Variants in NWD1 observed in about 807,000 individuals in gnomAD.
NWD1 encodes NACHT and WD repeat domain containing 1.
Under a neutral mutation model 135.1 loss-of-function variants are expected in NWD1, and 129 were observed. The ratio of observed to expected loss-of-function variants is 0.96; its 90% CI spans 0.83 to 1.11. The LOEUF (loss-of-function observed/expected upper bound fraction) is 1.11, where lower values mean the gene tolerates loss of function less well. NWD1 is among the 50% of genes least tolerant of loss of function. The probability of loss-of-function intolerance (pLI) is 0.00; values close to 1 mark genes in which losing one functional copy is unlikely to be tolerated. For synonymous variants in NWD1, 773 were observed against 786.0 expected (o/e 0.98, Z 0.28); for missense variants, 1,740 against 1,851.3 (o/e 0.94, Z 1.10).
At chr19:16,777,831 G>T (rs1345845709) in intron 11 of NWD1, among the ~76,000 whole-genome samples, 1 of 72,262 alleles carries the variant, frequency 1.4e-5, no homozygotes, top group Non-Finnish European at 2.8e-5. Flanking sequence ...AAGGGAAGAG[G>T]GAGAGAAGGG....
chr19:16,803,070 G>A (rs1271783497), intron 17 of NWD1, among the ~76,000 whole-genome samples: 2 of 152,128 alleles, frequency 1.3e-5, no homozygotes, highest in Admixed American at 6.6e-5. Context: ...CAAATGAGGA[G>A]CAAAGTCACG....
intron 11 of NWD1, among the ~76,000 whole-genome samples, chr19:16,778,922 TTCTC>T (rs1167860414): frequency 2.0e-5 from 3 of 152,164 alleles, no homozygotes; most frequent in Non-Finnish European, 4.4e-5. Context: ...GGCTGAATCT[TTCTC>T]TGGGATGGGG....
At chr19:16,750,989 AG>A (rs2122817252) in intron 6 of NWD1, among the ~76,000 whole-genome samples, 1 of 152,268 alleles carries the variant, frequency 6.6e-6, no homozygotes, top group African/African-American at 2.4e-5. Context: ...TGGGAGGCCG[AG>A]GCGGGCGGAT....
At position 16,730,253 on chromosome 19, in the gene NWD1, C is replaced by A. The variant is rs554243398; in HGVS notation, c.-6-939C>A. ...AGGGGAATTGCTTGAACCCAGGAGG[C>A]AGAGGTTGCAGTGAGCTGAGATCAC... is the stretch of plus-strand genomic sequence containing the variant. On this transcript the variant is annotated intron_variant, in intron 2 of 18. Coordinates refer to ENST00000524140, the MANE Select transcript of NWD1 (RefSeq NM_001007525.5). Among the ~76,000 whole-genome samples the A allele has an allele frequency of 5.6e-3, 857 of 151,928 alleles. 10 individuals are homozygous for A. Among genetic ancestry groups the A allele is most frequent in the African/African-American group, 0.019 (790 of 41,452 alleles).
chr19:16,794,646 G>T (rs1274085936), intron 15 of NWD1, 93 bp downstream of exon 15: 1 of 890,302 alleles, frequency 1.1e-6, no homozygotes, highest in Non-Finnish European at 1.8e-6. Flanking sequence ...GAAGTCCTAG[G>T]GCCAGAGGTT....
chr19:16,767,659 A>G (rs1383927782), intron 10 of NWD1, among the ~76,000 whole-genome samples: 1 of 152,050 alleles, frequency 6.6e-6, no homozygotes, highest in African/African-American at 2.4e-5. Flanking sequence ...ACTCACTGTC[A>G]TGAGAACAGC....
chr19:16,773,355 C>G (rs760809412), intron 11 of NWD1, 32 bp downstream of exon 11: 1 of 1,581,624 alleles, frequency 6.3e-7, no homozygotes, highest in Non-Finnish European at 8.6e-7. Flanking sequence ...AAAATCCCAG[C>G]AGGCACCTGC....
Position 16,749,809 on chromosome 19 carries a change from C to T in NWD1, c.1167C>T (p.Ile389=), listed in dbSNP as rs763587449. The T allele has an allele frequency of 7.5e-6, 12 of 1,606,612 alleles. No homozygotes were observed. The highest frequency in any genetic ancestry group is 1.0e-5 in the Non-Finnish European group (12 of 1,176,050). Residue 389 remains isoleucine (I), a synonymous_variant, in exon 6 of 19, where the codon ATC becomes ATT. Transcript: ENST00000524140. ...ATGCCCGTGGCCTGCTGAAGAGCAT[C>T]TGCTTCCAGGTGTGCCTGGCCTATG... is the stretch of plus-strand genomic sequence containing the variant. ...SSDARGLLKS[I]CFQVCLAYGL...
intron 11 of NWD1, among the ~76,000 whole-genome samples, chr19:16,778,506 T>C (rs9797887): frequency 1.4e-5 from 2 of 140,710 alleles, no homozygotes; most frequent in African/African-American, 5.5e-5. Context: ...TTTTTTTTTT[T>C]TTGTTGTTGT....
At chr19:16,803,059 G>A (rs1252244742) in intron 17 of NWD1, among the ~76,000 whole-genome samples, 5 of 152,094 alleles carry the variant, frequency 3.3e-5, no homozygotes, top group Non-Finnish European at 7.4e-5. Context: ...ATGGCAGAAG[G>A]CAAATGAGGA....
At chr19:16,743,416 C>T (rs117929456) in intron 4 of NWD1, among the ~76,000 whole-genome samples, 1 of 151,534 alleles carries the variant, frequency 6.6e-6, no homozygotes, top group East Asian at 2.0e-4. Flanking sequence ...ACTATGTTGC[C>T]CAGCTAGTCT....
chr19:16,761,041 G>A (rs1470336156), intron 7 of NWD1, among the ~76,000 whole-genome samples: 1 of 151,916 alleles, frequency 6.6e-6, no homozygotes, highest in African/African-American at 2.4e-5. Context: ...CTAACCCCTG[G>A]CAGCCACTCA....
chr19:16,755,921 T>C (rs1209461756), intron 6 of NWD1, among the ~76,000 whole-genome samples: 1 of 152,100 alleles, frequency 6.6e-6, no homozygotes, highest in Non-Finnish European at 1.5e-5. Context: ...TACCTCAAAA[T>C]TGATGTATAA....
chr19:16,761,101 C>T (rs550901212), intron 7 of NWD1, among the ~76,000 whole-genome samples: 13 of 152,276 alleles, frequency 8.5e-5, no homozygotes, highest in African/African-American at 2.2e-4. Flanking sequence ...TTCAGATCAA[C>T]GAAATCTCAC....
intron 5 of NWD1, 150 bp from the exon 6 acceptor site, chr19:16,748,988 CT>C (rs1568348390): frequency 1.5e-6 from 1 of 647,738 alleles, no homozygotes; most frequent in Non-Finnish European, 2.6e-6. Context: ...CCATGTGGGT[CT>C]TTTCGAGACC....
At chr19:16,736,344 C>T (rs1439422605) in intron 3 of NWD1, among the ~76,000 whole-genome samples, 1 of 151,920 alleles carries the variant, frequency 6.6e-6, no homozygotes, top group African/African-American at 2.4e-5. Context: ...ATCCTCCTAC[C>T]TCAGCCTCCC....
At chr19:16,768,485 G>A (rs1225447361) in intron 10 of NWD1, among the ~76,000 whole-genome samples, 1 of 152,082 alleles carries the variant, frequency 6.6e-6, no homozygotes, top group African/African-American at 2.4e-5. Context: ...AACTTTTTGA[G>A]GAACGACCAC....
chr19:16,744,412 C>A lies in NWD1; in HGVS notation c.199-9C>A. 6.5e-7 allele frequency: 1 copy of A among 1,535,446 alleles called. No individual in the cohort carries two copies. Among genetic ancestry groups the A allele is most frequent in the Non-Finnish European group, 8.7e-7 (1 of 1,146,460 alleles). On this transcript the variant is annotated splice_polypyrimidine_tract_variant and intron_variant, in intron 4 of 18. Coordinates refer to ENST00000524140, the MANE Select transcript of NWD1 (RefSeq NM_001007525.5). ...GTGAGATTTGAATCTGTGACTTCCT[C>A]TCTGCCAGGCCCTCATCGGTGATCA...
intron 8 of NWD1, among the ~76,000 whole-genome samples, 157 bp downstream of exon 8, chr19:16,762,295 T>C (rs978143786): frequency 8.9e-5 from 11 of 123,436 alleles, no homozygotes; most frequent in Admixed American, 2.3e-4. Flanking sequence ...TCCCCCCCAC[T>C]CCTTTTTTTT....
Sources: allele counts gnomAD v4.1 joint callset (sites outside exome capture counted in the v4.1 genomes callset), GRCh38; gene constraint gnomAD v4.1.1; transcripts MANE v1.5; gene names NCBI Gene and HGNC (gene_info 2026-07-23, HGNC 2026-07-21).